Variants in ST8SIA2 observed in about 807,000 individuals in gnomAD.
ST8SIA2 encodes ST8 alpha-N-acetyl-neuraminide alpha-2,8-sialyltransferase 2, also known as alpha-2,8-sialyltransferase 8B.
ST8SIA2 carries 22 observed loss-of-function variants against 37.6 expected under a neutral mutation model. The ratio of observed to expected loss-of-function variants is 0.58; its 90% CI spans 0.42 to 0.83. ST8SIA2 has a LOEUF of 0.83. ST8SIA2 is among the 40% of genes least tolerant of loss of function. ST8SIA2 has a pLI of 0.00. For missense variants in ST8SIA2, 382 were observed against 484.7 expected (o/e 0.79, Z 1.99); for synonymous variants, 205 against 201.2 (o/e 1.02, Z -0.16).
intron 2 of ST8SIA2, 128 bp downstream of exon 2, chr15:92,430,239 C>A: frequency 3.1e-6 from 3 of 954,916 alleles, no homozygotes; most frequent in South Asian, 1.4e-5. Context: ...TTTGGCTTTG[C>A]ATTTCCCTAA....
intron 5 of ST8SIA2, among the ~76,000 whole-genome samples, chr15:92,445,567 T>C (rs80251923): frequency 0.044 from 6,732 of 152,260 alleles, 493 homozygotes; most frequent in African/African-American, 0.15. Context: ...TCTTAGGATA[T>C]GTTTTTGTCC....
chr15:92,431,367 C>G (rs1280064727), intron 2 of ST8SIA2, among the ~76,000 whole-genome samples: 2 of 152,192 alleles, frequency 1.3e-5, no homozygotes, highest in Admixed American at 6.5e-5. Flanking sequence ...CCCCTCTGAG[C>G]CTTGGCTTCC....
chr15:92,458,868 C>A (rs1007615017), intron 5 of ST8SIA2, among the ~76,000 whole-genome samples: 1 of 152,168 alleles, frequency 6.6e-6, no homozygotes, highest in Non-Finnish European at 1.5e-5. Context: ...GAAGTAGAAA[C>A]AAAGCTGATG....
At chr15:92,444,535 G>C in intron 4 of ST8SIA2, 101 bp from the exon 5 acceptor site, 2 of 1,454,622 alleles carry the variant, frequency 1.4e-6, no homozygotes. Context: ...TTTGTTTGGG[G>C]ATGAGAAAGA....
intron 5 of ST8SIA2, among the ~76,000 whole-genome samples, chr15:92,458,954 G>A (rs1255945735): frequency 1.3e-5 from 2 of 152,212 alleles, no homozygotes; most frequent in Middle Eastern, 3.2e-3. Context: ...CAGGAAGACA[G>A]GATGCACGTG....
intron 5 of ST8SIA2, among the ~76,000 whole-genome samples, chr15:92,446,035 T>A (rs1396643160): frequency 1.3e-5 from 2 of 152,182 alleles, no homozygotes; most frequent in Non-Finnish European, 2.9e-5. Flanking sequence ...GCAGTAAAAA[T>A]CATCTCATAA....
chr15:92,464,695 G>A lies in ST8SIA2; in HGVS notation c.*310G>A. The A allele has an allele frequency of 2.6e-6, 1 of 384,530 alleles. No homozygotes were observed. The highest frequency in any genetic ancestry group is 3.0e-5 in the South Asian group (1 of 33,340). The allele number at this position is 384,530 out of a possible 1,614,324, so 23.8% of individuals were successfully genotyped here. A position where few individuals can be genotyped will look rare whatever the true frequency, so the allele number is the denominator to read the frequency against. The stretch of plus-strand genomic sequence containing the variant: ...AAGGACTTGACATGAAAAGAAGCCA[G>A]TCCCATGACTTTGGATGACAAACTG... On this transcript the variant is annotated 3_prime_UTR_variant, in exon 6 of 6. Transcript: ENST00000268164.
intron 5 of ST8SIA2, among the ~76,000 whole-genome samples, chr15:92,452,407 T>A (rs1252357653): frequency 1.3e-5 from 2 of 152,182 alleles, no homozygotes; most frequent in Admixed American, 1.3e-4. Context: ...AGGGGCAAAC[T>A]TGCGGTCAGA....
intron 5 of ST8SIA2, among the ~76,000 whole-genome samples, chr15:92,460,931 G>A (rs2141852333): frequency 6.6e-6 from 1 of 152,280 alleles, no homozygotes; most frequent in African/African-American, 2.4e-5. Context: ...AGGACACGCT[G>A]TAAAGTGGTA....
chr15:92,435,794 G>A (rs572056017), intron 3 of ST8SIA2, among the ~76,000 whole-genome samples: 52 of 152,008 alleles, frequency 3.4e-4, no homozygotes, highest in East Asian at 2.9e-3. Flanking sequence ...CCTAACAACC[G>A]CCCCCTTTGA....
chr15:92,449,207 A>G (rs2049864570), intron 5 of ST8SIA2, among the ~76,000 whole-genome samples: 1 of 152,142 alleles, frequency 6.6e-6, no homozygotes, highest in South Asian at 2.1e-4. Flanking sequence ...ATGTCCATGA[A>G]TACCCAATGT....
Position 92,466,175 on chromosome 15 carries a change from A to T in ST8SIA2, c.*1790A>T, listed in dbSNP as rs367626660. On this transcript the variant is annotated 3_prime_UTR_variant, in exon 6 of 6. Coordinates refer to ENST00000268164, the MANE Select transcript of ST8SIA2 (RefSeq NM_006011.4). ...CGTGAGGAAGGTGATATATCTCTGC[A>T]TTTTCCCTTGTTGTTGCTTGAAGTC... 9 of 152,248 alleles carry T rather than the reference A, an allele frequency of 5.9e-5. No individual in the cohort carries two copies. The highest frequency in any genetic ancestry group is 2.1e-4 in the South Asian group (1 of 4,824). The allele number at this position is 152,248 out of a possible 1,614,324, so 9.4% of individuals were successfully genotyped here.
At chr15:92,430,023 AAT>A in intron 1 of ST8SIA2, 24 bp from the exon 2 acceptor site, 1 of 1,613,856 alleles carries the variant, frequency 6.2e-7, no homozygotes, top group Non-Finnish European at 8.5e-7. Context: ...TGGGTTTATA[AAT>A]AATGCATTTC....
At chr15:92,404,046 CCTGCCAGAA>C (rs2049489693) in intron 1 of ST8SIA2, among the ~76,000 whole-genome samples, 1 of 152,222 alleles carries the variant, frequency 6.6e-6, no homozygotes, top group Non-Finnish European at 1.5e-5. Flanking sequence ...CCTTCCCCAA[CCTGCCAGAA>C]CTGCCCACCA....
At chr15:92,439,468 G>A (rs1052776290) in intron 4 of ST8SIA2, among the ~76,000 whole-genome samples, 20 of 152,170 alleles carry the variant, frequency 1.3e-4, no homozygotes, top group African/African-American at 4.8e-4. Context: ...ATTAGGGCAC[G>A]CGGAGCCTCG....
chr15:92,398,362 G>T (rs2049447191), intron 1 of ST8SIA2, among the ~76,000 whole-genome samples: 1 of 152,216 alleles, frequency 6.6e-6, no homozygotes, highest in African/African-American at 2.4e-5. Context: ...CCTCATATTA[G>T]TTCCTCTACC....
chr15:92,434,393 C>T lies in ST8SIA2; in HGVS notation c.290+18C>T, dbSNP rs763323334. 3.1e-6 allele frequency: 5 copies of T among 1,614,150 alleles called. No individual in the cohort carries two copies. The South Asian group carries it at 3.3e-5, about 11-fold the overall frequency. On this transcript the variant is annotated intron_variant, in intron 3 of 5. Transcript: ENST00000268164. ...AGGATCAGGTACTGGTAATTACCTA[C>T]AGGACAAGAGGTAGACTTGGTCTTG...
rs1258666876 is a variant in ST8SIA2 at position 92,393,975 on chromosome 15, GC to G, written c.-89del. 46 of 855,804 alleles carry G rather than the reference GC, an allele frequency of 5.4e-5. No homozygotes were observed. Among genetic ancestry groups the G allele is most frequent in the Non-Finnish European group, 7.1e-5 (44 of 622,832 alleles). The allele number at this position is 855,804 out of a possible 1,614,324, so 53.0% of individuals were successfully genotyped here. A position where few individuals can be genotyped will look rare whatever the true frequency, so the allele number is the denominator to read the frequency against. ...CAGGGTGTCTGCCCAGCTGCGCGCG[GC>G]GCGCGGAGGCTCCGGCGTCCGCCGC... On this transcript the variant is annotated 5_prime_UTR_variant, in exon 1 of 6. Transcript: ENST00000268164.
intron 1 of ST8SIA2, among the ~76,000 whole-genome samples, chr15:92,405,676 A>G (rs943833778): frequency 1.3e-5 from 2 of 152,208 alleles, no homozygotes; most frequent in Non-Finnish European, 2.9e-5. Flanking sequence ...ATGGAGGGAG[A>G]AAAGGGGGGA....
Sources: gnomAD v4.1 joint callset for allele counts (sites outside exome capture counted in the v4.1 genomes callset) on GRCh38, gnomAD v4.1.1 for gene constraint, MANE v1.5 for transcripts, NCBI Gene and HGNC (gene_info 2026-07-23, HGNC 2026-07-21) for gene names.